The following LINGO2 variants were observed in gnomAD, a reference collection of about 807,000 sequenced individuals.
The protein encoded by LINGO2 is leucine-rich repeat and immunoglobulin-like domain-containing nogo receptor-interacting protein 2.
In LINGO2, 14 loss-of-function variants were observed where a neutral mutation model predicts 30.6. The ratio of observed to expected loss-of-function variants is 0.46; its 90% CI spans 0.30 to 0.72. LINGO2 has a LOEUF of 0.72. Ranked by LOEUF, LINGO2 falls within the 30% of genes least tolerant of loss-of-function variation. The pLI is 0.07. For missense variants in LINGO2, 729 were observed against 751.7 expected, an observed-to-expected ratio of 0.97 and a Z score of 0.35; for synonymous variants, 317 against 288.5, an observed-to-expected ratio of 1.10 and a Z score of -1.00.
the LINGO2 span, among the ~76,000 whole-genome samples, chr9:29,054,985 G>A: frequency 5.3e-4 from 81 of 152,218 alleles, no homozygotes; most frequent in African/African-American, 1.8e-3. Flanking sequence ...TAGGGAGGCC[G>A]AGGCAGGTGG....
At chr9:28,875,098 C>A in the LINGO2 span, among the ~76,000 whole-genome samples, 3 of 152,080 alleles carry the variant, frequency 2.0e-5, no homozygotes, top group African/African-American at 7.2e-5. Flanking sequence ...ATTTACTTTG[C>A]TTTGACAGCA....
chr9:28,197,445 A>T (rs1820054495), intron 4 of LINGO2, among the ~76,000 whole-genome samples: 1 of 151,992 alleles, frequency 6.6e-6, no homozygotes, highest in Admixed American at 6.5e-5. Flanking sequence ...GAATATAATA[A>T]AGATGGCATT....
chr9:29,152,017 A>C, the LINGO2 span, among the ~76,000 whole-genome samples: 1 of 152,228 alleles, frequency 6.6e-6, no homozygotes, highest in Non-Finnish European at 1.5e-5. Flanking sequence ...ATGAACAGAT[A>C]CTTCTGAAAA....
the LINGO2 span, among the ~76,000 whole-genome samples, chr9:29,150,047 T>A: frequency 4.6e-5 from 7 of 152,110 alleles, no homozygotes. Flanking sequence ...CACCACAGAG[T>A]GCTGCCATGA....
chr9:28,506,473 C>G lies in LINGO2; in HGVS notation c.-364-30448G>C, dbSNP rs1402400167. 1.0e-3 allele frequency among the ~76,000 whole-genome samples: 8 copies of G among 7,804 alleles called. No homozygotes were observed. In the Admixed American group the frequency reaches 0.015, roughly 14 times the overall value. The allele number at this position is 7,804 out of a possible 152,430, so 5.1% of individuals were successfully genotyped here. On this transcript the variant is annotated intron_variant, in intron 1 of 5. Coordinates refer to ENST00000379992, the Ensembl canonical transcript of LINGO2. Reference sequence around the variant, plus strand: ...ACACACACATACACATACACACACACACACACATACACATACACACACACA... The same window carrying G: ...ACACACACATACACATACACACACAGACACACATACACATACACACACACA...
intron 4 of LINGO2, among the ~76,000 whole-genome samples, chr9:28,284,185 G>T (rs1823426255): frequency 6.6e-6 from 1 of 152,118 alleles, no homozygotes; most frequent in Non-Finnish European, 1.5e-5. Context: ...CCTCACTGAG[G>T]GGAAAAGTGA....
At chr9:28,846,432 A>G in the LINGO2 span, among the ~76,000 whole-genome samples, 1 of 149,024 alleles carries the variant, frequency 6.7e-6, no homozygotes. Flanking sequence ...CACTCTTAAG[A>G]TTCCCGATTT....
chr9:28,900,980 C>T, the LINGO2 span, among the ~76,000 whole-genome samples: 1 of 151,898 alleles, frequency 6.6e-6, no homozygotes, highest in African/African-American at 2.4e-5. Flanking sequence ...AAATCAAACA[C>T]AAATCAGATT....
At chr9:28,547,576 G>C (rs1313180675) in intron 1 of LINGO2, among the ~76,000 whole-genome samples, 1 of 152,068 alleles carries the variant, frequency 6.6e-6, no homozygotes, top group Non-Finnish European at 1.5e-5. Context: ...AGGAACATAT[G>C]TTATTTTCAT....
chr9:28,613,370 G>A (rs1453782422), intron 1 of LINGO2, among the ~76,000 whole-genome samples: 1 of 151,722 alleles, frequency 6.6e-6, no homozygotes, highest in Non-Finnish European at 1.5e-5. Context: ...AGTAGAATAT[G>A]TGTATATACG....
the LINGO2 span, among the ~76,000 whole-genome samples, chr9:28,946,431 A>C: frequency 6.6e-6 from 1 of 152,152 alleles, no homozygotes; most frequent in Non-Finnish European, 1.5e-5. Flanking sequence ...ATAGCATAGG[A>C]GGGATATGGA....
In LINGO2 at chr9:28,372,686, C is replaced by CA. The variant is rs568503996; in HGVS notation, c.-246+149dup. On this transcript the variant is annotated intron_variant, in intron 3 of 5. Coordinates refer to ENST00000379992, the Ensembl canonical transcript of LINGO2. ...GGATAAATTTCAAATCTTCTCACCACAAAAAATGTTAAGAATTTAAACTGA... is the reference window on the plus strand; with the variant it reads ...GGATAAATTTCAAATCTTCTCACCACAAAAAAATGTTAAGAATTTAAACTGA... The CA allele has an allele frequency of 1.1e-4, 17 of 152,558 alleles. No homozygotes were observed. The East Asian group carries it at 2.9e-3, about 26-fold the overall frequency. The allele number at this position is 152,558 out of a possible 1,614,324, so 9.5% of individuals were successfully genotyped here. A position where few individuals can be genotyped will look rare whatever the true frequency, so the allele number is the denominator to read the frequency against.
the LINGO2 span, among the ~76,000 whole-genome samples, chr9:28,849,228 A>G: frequency 2.7e-5 from 4 of 148,806 alleles, no homozygotes; most frequent in Non-Finnish European, 4.5e-5. Context: ...CTTTGGATAA[A>G]CTTTGCATAG....
chr9:28,277,850 C>CAAAAAAAAAAAAAAAAAAAAAAAAAAACA (rs35288673), intron 4 of LINGO2, among the ~76,000 whole-genome samples: 3 of 135,970 alleles, frequency 2.2e-5, no homozygotes, highest in African/African-American at 8.6e-5. Context: ...AAAAAAAAAA[C>CAAAAAAAAAAAAAAAAAAAAAAAAAAACA]AAAAAAAAAA....
chr9:29,175,267 T>C, the LINGO2 span, among the ~76,000 whole-genome samples: 1 of 152,010 alleles, frequency 6.6e-6, no homozygotes, highest in Non-Finnish European at 1.5e-5. Context: ...TCTAAATAAA[T>C]AAATAAAGGC....
chr9:28,440,473 G>A (rs1451811061), intron 2 of LINGO2, among the ~76,000 whole-genome samples: 2 of 152,104 alleles, frequency 1.3e-5, no homozygotes, highest in African/African-American at 2.4e-5. Context: ...CAATTATGAG[G>A]ACAGAATGTT....
chr9:28,188,769 A>G (rs900313350), intron 4 of LINGO2, among the ~76,000 whole-genome samples: 5 of 152,290 alleles, frequency 3.3e-5, no homozygotes, highest in African/African-American at 1.2e-4. Context: ...ATTAATAAAT[A>G]ATGCTATTCC....
chr9:28,613,810 C>T (rs1356205763), intron 1 of LINGO2, among the ~76,000 whole-genome samples: 1 of 152,130 alleles, frequency 6.6e-6, no homozygotes, highest in African/African-American at 2.4e-5. Flanking sequence ...TATCAGAGAT[C>T]AGCCACAGAC....
At chr9:29,197,405 T>C in the LINGO2 span, among the ~76,000 whole-genome samples, 1 of 152,064 alleles carries the variant, frequency 6.6e-6, no homozygotes, top group African/African-American at 2.4e-5. Context: ...CTACTTCTGA[T>C]CATCAACTTG....
Sources: gnomAD v4.1 joint callset for allele counts (sites outside exome capture counted in the v4.1 genomes callset) on GRCh38, gnomAD v4.1.1 for gene constraint, MANE v1.5 for transcripts, NCBI Gene and HGNC (gene_info 2026-07-23, HGNC 2026-07-21) for gene names.